Variants in ADARB2 observed in about 807,000 individuals in gnomAD.
The protein encoded by ADARB2 is inactive double-stranded RNA-specific editase B2.
A neutral mutation model predicts 62.2 loss-of-function variants in ADARB2; 25 were observed. The observed-to-expected ratio is 0.40, with a 90% CI of 0.29 to 0.56. ADARB2 has a LOEUF of 0.56. ADARB2 is among the 20% of genes least tolerant of loss of function. The pLI is 0.43. For missense variants in ADARB2, 1,071 were observed against 1,077.4 expected (o/e 0.99, Z 0.08); for synonymous variants, 572 against 500.8 (o/e 1.14, Z -1.90).
Position 1,208,810 on chromosome 10 carries a change from G to A in ADARB2, c.1682+8141C>T, listed in dbSNP as rs1265253925. ...GGGCCTGGTTCCTGCCCTCTGGGAGGGCCTGATTTGTCGGGGGAGACAAGA... is the reference window on the plus strand; with the variant it reads ...GGGCCTGGTTCCTGCCCTCTGGGAGAGCCTGATTTGTCGGGGGAGACAAGA... On this transcript the variant is annotated intron_variant, in intron 7 of 9. Coordinates refer to ENST00000381312, the MANE Select transcript of ADARB2 (RefSeq NM_018702.4). Among the ~76,000 whole-genome samples, 4 of 152,212 alleles carry A rather than the reference G, an allele frequency of 2.6e-5. No homozygotes were observed. In the East Asian group the frequency reaches 7.7e-4, roughly 29 times the overall value.
intron 1 of ADARB2, among the ~76,000 whole-genome samples, chr10:1,691,020 A>G (rs1471971721): frequency 1.1e-4 from 17 of 151,972 alleles, no homozygotes; most frequent in Admixed American, 1.1e-3. Flanking sequence ...CTCTGCTATT[A>G]TGGGCTGAAT....
chr10:1,317,276 A>G (rs1294166252), intron 3 of ADARB2, among the ~76,000 whole-genome samples: 1 of 152,218 alleles, frequency 6.6e-6, no homozygotes, highest in East Asian at 1.9e-4. Context: ...TATCTTCTAT[A>G]CCTTGTACCA....
At chr10:1,227,696 G>A (rs1232756826) in intron 6 of ADARB2, among the ~76,000 whole-genome samples, 2 of 152,194 alleles carry the variant, frequency 1.3e-5, no homozygotes, top group African/African-American at 2.4e-5. Context: ...TCTAAAAAGC[G>A]ATGCATGGTT....
chr10:1,241,437 C>T (rs763165859), intron 5 of ADARB2, among the ~76,000 whole-genome samples: 1 of 152,174 alleles, frequency 6.6e-6, no homozygotes, highest in African/African-American at 2.4e-5. Context: ...CAGATGGCTT[C>T]AAGGGATGTG....
intron 2 of ADARB2, among the ~76,000 whole-genome samples, chr10:1,367,933 A>G (rs55820900): frequency 0.28 from 42,980 of 152,180 alleles, 6,762 homozygotes; most frequent in Non-Finnish European, 0.36. Context: ...GTGGTATAAG[A>G]GCCTCTTTCA....
At chr10:1,723,874 A>G (rs1835129185) in intron 1 of ADARB2, among the ~76,000 whole-genome samples, 1 of 152,224 alleles carries the variant, frequency 6.6e-6, no homozygotes, top group Non-Finnish European at 1.5e-5. Flanking sequence ...GTTTTCTAGC[A>G]GTGATGCTAC....
chr10:1,514,543 G>A (rs1338646673), intron 1 of ADARB2, among the ~76,000 whole-genome samples: 3 of 152,104 alleles, frequency 2.0e-5, no homozygotes, highest in African/African-American at 7.2e-5. Flanking sequence ...CAGTCTGATA[G>A]AACTTGGTTC....
At chr10:1,394,982 C>G in intron 1 of ADARB2, 1 of 454,550 alleles carries the variant, frequency 2.2e-6, no homozygotes, top group African/African-American at 2.0e-5. Flanking sequence ...TGCAGTGGCA[C>G]AATCACAGCT....
intron 1 of ADARB2, among the ~76,000 whole-genome samples, chr10:1,416,980 T>C (rs940544004): frequency 6.6e-6 from 1 of 152,204 alleles, no homozygotes; most frequent in Admixed American, 6.5e-5. Flanking sequence ...TAGGAGTTGT[T>C]ACTGCAGGAG....
chr10:1,504,804 G>C (rs1473362831), intron 1 of ADARB2, among the ~76,000 whole-genome samples: 4 of 152,034 alleles, frequency 2.6e-5, no homozygotes, highest in Admixed American at 2.6e-4. Flanking sequence ...AATATACAAG[G>C]GGGTAGTTGT....
intron 4 of ADARB2, among the ~76,000 whole-genome samples, chr10:1,256,396 G>C (rs528902305): frequency 3.3e-5 from 5 of 152,324 alleles, no homozygotes; most frequent in African/African-American, 1.2e-4. Context: ...GATGAGGAGA[G>C]GTCAGGGGGC....
chr10:1,342,023 A>G (rs1163916088), intron 3 of ADARB2, among the ~76,000 whole-genome samples: 1 of 152,178 alleles, frequency 6.6e-6, no homozygotes, highest in Admixed American at 6.5e-5. Flanking sequence ...GTATTGCTAC[A>G]TTTTCTTTCA....
chr10:1,362,705 ACC>A (rs1003729335), intron 3 of ADARB2, among the ~76,000 whole-genome samples: 29 of 151,658 alleles, frequency 1.9e-4, no homozygotes, highest in South Asian at 1.9e-3. Context: ...CGACCATCCG[ACC>A]CTACGCGTGG....
chr10:1,617,763 G>A lies in ADARB2; in HGVS notation c.100+119288C>T, dbSNP rs1463714704. ...CGCTAGATGTTTGTTTGCCTGTGCAGACACACTCCACACCACCCTGCTGAG... is the reference window on the plus strand; with the variant it reads ...CGCTAGATGTTTGTTTGCCTGTGCAAACACACTCCACACCACCCTGCTGAG... On this transcript the variant is annotated intron_variant, in intron 1 of 9. Transcript: ENST00000381312. 2.0e-5 allele frequency among the ~76,000 whole-genome samples: 3 copies of A among 152,128 alleles called. No individual in the cohort carries two copies. The East Asian group carries it at 5.8e-4, about 30-fold the overall frequency.
chr10:1,189,698 C>T lies in ADARB2; in HGVS notation c.1865-4659G>A, dbSNP rs556879137. On this transcript the variant is annotated intron_variant, in intron 8 of 9. Coordinates refer to ENST00000381312, the MANE Select transcript of ADARB2 (RefSeq NM_018702.4). Reference sequence around the variant, plus strand: ...CTCAAGATAACACAGCAGCACATACCTGGTGACCCAGTCCACCCAGAACAC... The same window carrying T: ...CTCAAGATAACACAGCAGCACATACTTGGTGACCCAGTCCACCCAGAACAC... Among the ~76,000 whole-genome samples, 53 of 152,150 alleles carry T rather than the reference C, an allele frequency of 3.5e-4. No individual in the cohort carries two copies. In the South Asian group the frequency reaches 0.011, roughly 32 times the overall value.
intron 3 of ADARB2, among the ~76,000 whole-genome samples, chr10:1,345,783 G>A (rs939169111): frequency 1.3e-5 from 2 of 152,148 alleles, no homozygotes; most frequent in African/African-American, 4.8e-5. Context: ...CTGTTTCTTG[G>A]CATTGAAATC....
intron 1 of ADARB2, among the ~76,000 whole-genome samples, chr10:1,660,754 T>C (rs2119086998): frequency 6.6e-6 from 1 of 152,296 alleles, no homozygotes; most frequent in Admixed American, 6.5e-5. Context: ...CTCTGAACTT[T>C]TGATCCGCAC....
intron 1 of ADARB2, among the ~76,000 whole-genome samples, chr10:1,474,476 G>A (rs1480223877): frequency 6.6e-6 from 1 of 152,214 alleles, no homozygotes; most frequent in Non-Finnish European, 1.5e-5. Flanking sequence ...GCTAGGAGGA[G>A]GGGGATGCAT....
intron 1 of ADARB2, among the ~76,000 whole-genome samples, chr10:1,397,982 T>C (rs113286047): frequency 3.3e-5 from 4 of 120,456 alleles, no homozygotes; most frequent in Non-Finnish European, 5.3e-5. Context: ...CCCTCCCGAG[T>C]GCAGGCTTCC....
Sources: gnomAD v4.1 joint callset for allele counts (sites outside exome capture counted in the v4.1 genomes callset) on GRCh38, gnomAD v4.1.1 for gene constraint, MANE v1.5 for transcripts, NCBI Gene and HGNC (gene_info 2026-07-23, HGNC 2026-07-21) for gene names.